Variants in PCNX2 observed in about 807,000 individuals in gnomAD.
The protein encoded by PCNX2 is pecanex-like protein 2.
Under a neutral mutation model 223.8 loss-of-function variants are expected in PCNX2, and 168 were observed. The ratio of observed to expected loss-of-function variants is 0.75; its 90% CI spans 0.66 to 0.85. The LOEUF (loss-of-function observed/expected upper bound fraction) is 0.85. Among genes scored for constraint, PCNX2 ranks in the 40% least tolerant of loss-of-function variants. The probability of loss-of-function intolerance (pLI) is 0.00; values close to 1 mark genes in which losing one functional copy is unlikely to be tolerated. For missense variants in PCNX2, 2,507 were observed against 2,675.5 expected, an observed-to-expected ratio of 0.94 and a Z score of 1.39; for synonymous variants, 1,006 against 1,052.6, an observed-to-expected ratio of 0.96 and a Z score of 0.86.
chr1:233,283,006 T>C (rs535456797), intron 1 of PCNX2, among the ~76,000 whole-genome samples: 1 of 139,874 alleles, frequency 7.1e-6, no homozygotes, highest in African/African-American at 2.6e-5. Context: ...AGTACATTAC[T>C]GGTGATGCGT....
chr1:233,025,617 A>C (rs1671056888), intron 25 of PCNX2: 2 of 610,738 alleles, frequency 3.3e-6, no homozygotes, highest in Non-Finnish European at 5.6e-6. Context: ...CTCTGTAGAA[A>C]ATATATTTAA....
chr1:233,286,513 C>T (rs1039249297), intron 1 of PCNX2, among the ~76,000 whole-genome samples: 5 of 152,122 alleles, frequency 3.3e-5, no homozygotes, highest in African/African-American at 1.2e-4. Flanking sequence ...TTGACATGGA[C>T]TATGTACGCG....
intron 21 of PCNX2, among the ~76,000 whole-genome samples, chr1:233,104,931 T>C (rs936653692): frequency 1.3e-5 from 2 of 152,132 alleles, no homozygotes. Flanking sequence ...TAAATTATAA[T>C]GAAAATTAGA....
intron 9 of PCNX2, among the ~76,000 whole-genome samples, chr1:233,229,793 T>C (rs1006074478): frequency 2.0e-5 from 3 of 151,090 alleles, no homozygotes; most frequent in Admixed American, 6.6e-5. Flanking sequence ...TAAATGAAAA[T>C]CCTTGCTTAA....
At chr1:233,244,785 T>A (rs1558385572) in intron 8 of PCNX2, among the ~76,000 whole-genome samples, 1 of 152,206 alleles carries the variant, frequency 6.6e-6, no homozygotes, top group Non-Finnish European at 1.5e-5. Flanking sequence ...CTGATTTCTA[T>A]GTAGATTGGT....
chr1:233,099,313 T>C (rs778479027), intron 21 of PCNX2, among the ~76,000 whole-genome samples: 1 of 152,180 alleles, frequency 6.6e-6, no homozygotes, highest in Non-Finnish European at 1.5e-5. Flanking sequence ...ATCACAAGCA[T>C]GAACATCACA....
At chr1:233,130,201 A>AC (rs1479454231) in intron 21 of PCNX2, among the ~76,000 whole-genome samples, 1 of 152,122 alleles carries the variant, frequency 6.6e-6, no homozygotes, top group Non-Finnish European at 1.5e-5. Flanking sequence ...AACTCTGGAC[A>AC]CGCCGCCTTT....
At chr1:233,244,752 AAATTT>A (rs1032646391) in intron 8 of PCNX2, among the ~76,000 whole-genome samples, 7 of 152,152 alleles carry the variant, frequency 4.6e-5, no homozygotes, top group African/African-American at 1.2e-4. Context: ...CAGGACTGGA[AAATTT>A]AATTTGAGTC....
chr1:233,126,988 G>A lies in PCNX2; in HGVS notation c.3837+8025C>T, dbSNP rs920290700. Among the ~76,000 whole-genome samples, 1 of 151,860 alleles carries A rather than the reference G, an allele frequency of 6.6e-6. No individual in the cohort carries two copies. Among genetic ancestry groups the A allele is most frequent in the Non-Finnish European group, 1.5e-5 (1 of 67,992 alleles). ...AAACGTAATCAATTCTCTCTCAAACGCCTCCTGAATTTGTTCCCTTCTTCC... is the reference window on the plus strand; with the variant it reads ...AAACGTAATCAATTCTCTCTCAAACACCTCCTGAATTTGTTCCCTTCTTCC... On this transcript the variant is annotated intron_variant, in intron 21 of 33. Transcript: ENST00000258229. The surrounding 1 kb of genome is among the most constrained non-coding windows in gnomAD (Gnocchi z 4.8).
At chr1:233,020,181 A>C (rs1241058261) in intron 26 of PCNX2, among the ~76,000 whole-genome samples, 1 of 152,268 alleles carries the variant, frequency 6.6e-6, no homozygotes, top group African/African-American at 2.4e-5. Flanking sequence ...TCCGTCTGGC[A>C]AAACGCTGCA....
At chr1:232,984,676 T>TC (rs1669402656) in intron 33 of PCNX2, 199 bp from the exon 34 acceptor site, 1 of 550,536 alleles carries the variant, frequency 1.8e-6, no homozygotes, top group South Asian at 2.5e-5. Flanking sequence ...TGAAGCAGCA[T>TC]CTGAGACACA....
At chr1:233,315,688 A>G in the PCNX2 span, among the ~76,000 whole-genome samples, 4 of 152,334 alleles carry the variant, frequency 2.6e-5, no homozygotes, top group Admixed American at 2.6e-4. Context: ...GCGCAGGGAA[A>G]GAAAGTTAAC....
chr1:233,218,584 T>C (rs1332618231), intron 10 of PCNX2, among the ~76,000 whole-genome samples: 1 of 152,058 alleles, frequency 6.6e-6, no homozygotes, highest in Non-Finnish European at 1.5e-5. Context: ...GCCTTCATGT[T>C]TCCAAAAAAA....
chr1:232,999,735 A>G (rs1251486973), intron 30 of PCNX2: 2 of 239,758 alleles, frequency 8.3e-6, no homozygotes, highest in South Asian at 1.2e-4. Flanking sequence ...AACTACAATG[A>G]GAGAGCAGGG....
chr1:233,196,125 T>C (rs1277074530), intron 15 of PCNX2, among the ~76,000 whole-genome samples: 1 of 152,106 alleles, frequency 6.6e-6, no homozygotes, highest in African/African-American at 2.4e-5. Flanking sequence ...CCATGATAAT[T>C]CAACGGAGAA....
chr1:233,315,928 A>G, the PCNX2 span, among the ~76,000 whole-genome samples: 18 of 152,350 alleles, frequency 1.2e-4, no homozygotes, highest in South Asian at 3.7e-3. Flanking sequence ...CAATAAAACC[A>G]ATTTTCATCA....
At chr1:233,006,289 C>T (rs1462364343) in intron 28 of PCNX2, among the ~76,000 whole-genome samples, 4 of 150,026 alleles carry the variant, frequency 2.7e-5, no homozygotes, top group Admixed American at 2.0e-4. Context: ...CTGCGCTACT[C>T]GGCACAGAAT....
chr1:233,069,136 G>A (rs12085776), intron 23 of PCNX2, among the ~76,000 whole-genome samples: 48,085 of 151,986 alleles, frequency 0.32, 10,276 homozygotes, highest in African/African-American at 0.61. Context: ...TTGTATGATA[G>A]GACGGTTGAT....
chr1:233,059,622 T>C (rs1672330406), intron 23 of PCNX2, among the ~76,000 whole-genome samples: 1 of 152,196 alleles, frequency 6.6e-6, no homozygotes, highest in Non-Finnish European at 1.5e-5. Flanking sequence ...ACCATGAGAG[T>C]AAGTTTGTTG....
Sources: gnomAD v4.1 joint callset for allele counts (sites outside exome capture counted in the v4.1 genomes callset) on GRCh38, gnomAD v4.1.1 for gene constraint, Gnocchi (gnomAD v3.1) non-coding constraint, MANE v1.5 for transcripts, NCBI Gene and HGNC (gene_info 2026-07-23, HGNC 2026-07-21) for gene names.